Variants in DCAF12 observed in about 807,000 individuals in gnomAD.
The protein encoded by DCAF12 is DDB1- and CUL4-associated factor 12.
A neutral mutation model predicts 52.8 loss-of-function variants in DCAF12; 28 were observed. The observed-to-expected ratio is 0.53, with a 90% CI of 0.39 to 0.73. The LOEUF (loss-of-function observed/expected upper bound fraction) is 0.73. DCAF12 is among the 30% of genes least tolerant of loss of function. DCAF12 has a pLI of 0.00. For missense variants in DCAF12, 425 were observed against 552.2 expected (o/e 0.77, Z 2.31); for synonymous variants, 196 against 215.5 (o/e 0.91, Z 0.79).
At chr9:34,095,257 T>C (rs1269592987) in intron 6 of DCAF12, among the ~76,000 whole-genome samples, 1 of 151,770 alleles carries the variant, frequency 6.6e-6, no homozygotes, top group Non-Finnish European at 1.5e-5. Flanking sequence ...GTATTTTTAG[T>C]AGAGACGGGG....
intron 4 of DCAF12, among the ~76,000 whole-genome samples, chr9:34,100,433 C>G (rs568761408): frequency 6.6e-6 from 1 of 151,308 alleles, no homozygotes; most frequent in Admixed American, 6.6e-5. Context: ...CTCCTGACCT[C>G]GTGATCCACC....
intron 2 of DCAF12, among the ~76,000 whole-genome samples, chr9:34,107,984 G>T (rs1374818998): frequency 6.6e-6 from 1 of 152,110 alleles, no homozygotes; most frequent in Non-Finnish European, 1.5e-5. Context: ...ACACATCATG[G>T]CTACTAATAT....
chr9:34,106,977 T>A (rs1260155899), intron 3 of DCAF12, among the ~76,000 whole-genome samples: 1 of 152,188 alleles, frequency 6.6e-6, no homozygotes, highest in Non-Finnish European at 1.5e-5. Flanking sequence ...TTTATATGGT[T>A]TATGTTTTGT....
intron 1 of DCAF12, chr9:34,125,865 C>T (rs956778006): frequency 4.5e-5 from 13 of 286,238 alleles, no homozygotes; most frequent in Non-Finnish European, 8.5e-5. Flanking sequence ...CCAAAGGGGG[C>T]GGCATAGAGA....
intron 2 of DCAF12, among the ~76,000 whole-genome samples, chr9:34,122,738 A>T (rs1331650107): frequency 6.6e-6 from 1 of 152,194 alleles, no homozygotes; most frequent in Non-Finnish European, 1.5e-5. Flanking sequence ...TTGGCCTTCC[A>T]AAGTGCTGGG....
rs183325887 is a variant in DCAF12 at position 34,102,893 on chromosome 9, T to C, written c.601+3541A>G. Among the ~76,000 whole-genome samples, 411 of 150,844 alleles carry C rather than the reference T, an allele frequency of 2.7e-3. 2 individuals carry two copies. The highest frequency in any genetic ancestry group is 4.7e-3 in the Non-Finnish European group (321 of 67,778). Reference sequence around the variant, plus strand: ...GACGTTGAGACCAGCCTGGGCAAAATGTTGAAACACCATCAGTACAAAAAA... The same window carrying C: ...GACGTTGAGACCAGCCTGGGCAAAACGTTGAAACACCATCAGTACAAAAAA... On this transcript the variant is annotated intron_variant, in intron 4 of 8. Coordinates refer to ENST00000361264, the MANE Select transcript of DCAF12 (RefSeq NM_015397.4).
chr9:34,091,392 T>C (rs1370151690), intron 7 of DCAF12, among the ~76,000 whole-genome samples: 5 of 151,908 alleles, frequency 3.3e-5, no homozygotes, highest in Non-Finnish European at 7.4e-5. Context: ...CCTGTAATCT[T>C]AGCACACACT....
chr9:34,122,571 G>A (rs1378828570), intron 2 of DCAF12, among the ~76,000 whole-genome samples: 1 of 149,858 alleles, frequency 6.7e-6, no homozygotes, highest in Non-Finnish European at 1.5e-5. Flanking sequence ...CCGCCTCCCG[G>A]GTTCAAGCAA....
Position 34,098,450 on chromosome 9 carries a change from T to A in DCAF12, c.669A>T (p.Arg223Ser), listed in dbSNP as rs368715470. The A allele has an allele frequency of 4.8e-5, 77 of 1,614,070 alleles. No homozygotes were observed. Among genetic ancestry groups the A allele is most frequent in the Non-Finnish European group, 6.3e-5 (74 of 1,180,046 alleles). ...TDDVLTKSDA[R>S]HNVSRVPVYA... Reference sequence around the variant, plus strand: ...ACACAGGGACCCGTGACACATTGTGTCTCGCATCACTTTTGGTCAAAACAT... The same window carrying A: ...ACACAGGGACCCGTGACACATTGTGACTCGCATCACTTTTGGTCAAAACAT... The change falls in exon 5 of 9, where the codon AGA becomes AGT. Residue 223 changes from arginine to serine, a missense_variant. Transcript: ENST00000361264.
At chr9:34,105,864 T>C (rs1446104162) in intron 4 of DCAF12, among the ~76,000 whole-genome samples, 1 of 151,234 alleles carries the variant, frequency 6.6e-6, no homozygotes, top group African/African-American at 2.4e-5. Context: ...TTCTCCTGCC[T>C]CAGTCTCCTG....
intron 2 of DCAF12, among the ~76,000 whole-genome samples, chr9:34,108,672 G>T (rs533531090): frequency 2.0e-5 from 3 of 151,916 alleles, no homozygotes; most frequent in Non-Finnish European, 1.5e-5. Flanking sequence ...TGTAATCTCA[G>T]CTACTCGGGA....
chr9:34,094,302 A>G (rs1158998270), intron 6 of DCAF12, among the ~76,000 whole-genome samples: 1 of 151,896 alleles, frequency 6.6e-6, no homozygotes, highest in Non-Finnish European at 1.5e-5. Flanking sequence ...GCTACTCAGG[A>G]GGCTGAGGAA....
intron 2 of DCAF12, among the ~76,000 whole-genome samples, chr9:34,120,442 G>A (rs568358911): frequency 7.1e-4 from 107 of 150,730 alleles, no homozygotes; most frequent in African/African-American, 2.1e-3. Flanking sequence ...AGGCTGAGGC[G>A]GGCAGATTAC....
At chr9:34,105,524 T>C (rs1443329730) in intron 4 of DCAF12, among the ~76,000 whole-genome samples, 3 of 152,122 alleles carry the variant, frequency 2.0e-5, no homozygotes, top group East Asian at 1.9e-4. Flanking sequence ...TGTGTGCCTA[T>C]AGTCCCAGCT....
chr9:34,103,905 T>C (rs1564097506), intron 4 of DCAF12, among the ~76,000 whole-genome samples: 2 of 152,098 alleles, frequency 1.3e-5, no homozygotes, highest in African/African-American at 2.4e-5. Context: ...AGTAAACTTA[T>C]TTGCCAGTTC....
chr9:34,109,837 C>A, intron 2 of DCAF12: 1 of 324,502 alleles, frequency 3.1e-6, no homozygotes. Flanking sequence ...GGGTCGGAAG[C>A]AGATGTCTTA....
At chr9:34,100,777 G>C (rs532717536) in intron 4 of DCAF12, among the ~76,000 whole-genome samples, 31 of 151,658 alleles carry the variant, frequency 2.0e-4, no homozygotes, top group Non-Finnish European at 4.1e-4. Flanking sequence ...TGGGATTACA[G>C]GTATGAGCCA....
chr9:34,102,305 T>A (rs1828841355), intron 4 of DCAF12, among the ~76,000 whole-genome samples: 1 of 150,930 alleles, frequency 6.6e-6, no homozygotes. Context: ...GAATAATGAC[T>A]GTTTTATATA....
intron 2 of DCAF12, among the ~76,000 whole-genome samples, chr9:34,117,414 T>C (rs966424617): frequency 6.6e-6 from 1 of 151,784 alleles, no homozygotes; most frequent in Non-Finnish European, 1.5e-5. Context: ...CCGGCCAAAG[T>C]GCTGGCATTA....
Sources: allele counts gnomAD v4.1 joint callset (sites outside exome capture counted in the v4.1 genomes callset), GRCh38; gene constraint gnomAD v4.1.1; transcripts MANE v1.5; gene names NCBI Gene and HGNC (gene_info 2026-07-23, HGNC 2026-07-21).